The following RSPO4 variants were observed in gnomAD, a reference collection of about 807,000 sequenced individuals.
RSPO4 encodes R-spondin 4.
In RSPO4, 23 loss-of-function variants were observed where a neutral mutation model predicts 24.8. The observed-to-expected ratio is 0.93, with a 90% CI of 0.67 to 1.31. The LOEUF (loss-of-function observed/expected upper bound fraction) is 1.31. RSPO4 is among the 40% of genes most tolerant of loss of function. The pLI, the probability that RSPO4 is intolerant of heterozygous loss-of-function variation, is 0.00. For missense variants in RSPO4, 333 were observed against 316.5 expected, an observed-to-expected ratio of 1.05 and a Z score of -0.39; for synonymous variants, 141 against 127.4, an observed-to-expected ratio of 1.11 and a Z score of -0.72.
rs552548397 is a variant in RSPO4, at chr20:980,318, G to A, written c.80-12180C>T. Among the ~76,000 whole-genome samples, 162 of 152,124 alleles carry A rather than the reference G, an allele frequency of 1.1e-3. 1 individual carries two copies. The highest frequency in any genetic ancestry group is 8.5e-3 in the South Asian group (41 of 4,796). On this transcript the variant is annotated intron_variant, in intron 1 of 4. Coordinates refer to ENST00000217260, the MANE Select transcript of RSPO4 (RefSeq NM_001029871.4). ...CATGCAGAGTCCCTTACCTACTGAC[G>A]CCTTGCTAAGTTCCCAGTGCTGTGC...
At chr20:969,116 G>T (rs1326345623) in intron 1 of RSPO4, among the ~76,000 whole-genome samples, 1 of 152,194 alleles carries the variant, frequency 6.6e-6, no homozygotes, top group Non-Finnish European at 1.5e-5. Context: ...AGGAGTTTGA[G>T]ACCAGCCTGG....
intron 1 of RSPO4, among the ~76,000 whole-genome samples, chr20:990,680 G>A (rs965483697): frequency 9.2e-5 from 14 of 152,104 alleles, no homozygotes; most frequent in Non-Finnish European, 1.6e-4. Context: ...AGGGGCGAGC[G>A]GGAAGTGTAA....
chr20:968,476 G>C (rs1256830978), intron 1 of RSPO4, among the ~76,000 whole-genome samples: 1 of 152,244 alleles, frequency 6.6e-6, no homozygotes, highest in East Asian at 1.9e-4. Flanking sequence ...TGGAAACTAT[G>C]TCCCGTGAGG....
rs191521473 is a variant in RSPO4 at position 964,075 on chromosome 20, T to G, written c.455A>C (p.His152Pro). ...AGCCGAGCCGCAGGTCTTTCCATTGTGTGTGCAGGGGCTCCAGCCGCCCCA... is the reference window on the plus strand; with the variant it reads ...AGCCGAGCCGCAGGTCTTTCCATTGGGTGTGCAGGGGCTCCAGCCGCCCCA... ...GPWGGWSPCT[H>P]NGKTCGSAWG... The change falls in exon 4 of 5, where the codon CAC becomes CCC. Residue 152 changes from histidine (H) to proline (P), a missense_variant. Physicochemically the swap from His to Pro is moderately conservative, Grantham distance 77. Coordinates refer to ENST00000217260, the MANE Select transcript of RSPO4 (RefSeq NM_001029871.4). 4.2e-3 allele frequency: 6,698 copies of G among 1,613,792 alleles called. 23 individuals carry two copies. The highest frequency in any genetic ancestry group is 5.1e-3 in the Non-Finnish European group (6,022 of 1,179,996).
chr20:977,196 G>C (rs1408602548), intron 1 of RSPO4, among the ~76,000 whole-genome samples: 1 of 152,212 alleles, frequency 6.6e-6, no homozygotes. Context: ...CCTTACCCTA[G>C]AGTTGCTGAT....
intron 1 of RSPO4, among the ~76,000 whole-genome samples, chr20:971,165 A>G (rs1407373447): frequency 2.0e-5 from 3 of 152,224 alleles, no homozygotes; most frequent in East Asian, 1.9e-4. Flanking sequence ...AAATGTAACA[A>G]TTTAGCTTCT....
chr20:972,843 C>T (rs1014663920), intron 1 of RSPO4, among the ~76,000 whole-genome samples: 4 of 152,246 alleles, frequency 2.6e-5, no homozygotes, highest in African/African-American at 9.6e-5. Context: ...GGCGACCCCA[C>T]TACCAAAGAG....
At chr20:975,136 G>C (rs1040876335) in intron 1 of RSPO4, among the ~76,000 whole-genome samples, 1 of 152,130 alleles carries the variant, frequency 6.6e-6, no homozygotes. Context: ...ACTAGACAGC[G>C]AACAGATCAC....
In RSPO4 at chr20:995,786, C is replaced by T. The variant is rs149869816; in HGVS notation, c.79+6300G>A. On this transcript the variant is annotated intron_variant, in intron 1 of 4. Coordinates refer to ENST00000217260, the MANE Select transcript of RSPO4 (RefSeq NM_001029871.4). Reference sequence around the variant, plus strand: ...CAGGAGGGCCTCCATTAGGCCATGACTGAAAGGGGCTGAGCACAGAAGATG... The same window carrying T: ...CAGGAGGGCCTCCATTAGGCCATGATTGAAAGGGGCTGAGCACAGAAGATG... 2.1e-3 allele frequency among the ~76,000 whole-genome samples: 324 copies of T among 152,262 alleles called. 1 individual carries two copies. Among genetic ancestry groups the T allele is most frequent in the Non-Finnish European group, 3.4e-3 (233 of 68,016 alleles).
At chr20:985,291 A>T (rs1264304560) in intron 1 of RSPO4, among the ~76,000 whole-genome samples, 1 of 148,406 alleles carries the variant, frequency 6.7e-6, no homozygotes, top group East Asian at 2.0e-4. Context: ...TCATCTATCC[A>T]TCCATCCATC....
intron 4 of RSPO4, among the ~76,000 whole-genome samples, chr20:961,684 G>A (rs1430073436): frequency 2.0e-5 from 3 of 152,084 alleles, no homozygotes; most frequent in South Asian, 2.1e-4. Flanking sequence ...TGGCCCTGCC[G>A]GCTCTGATGT....
chr20:986,638 G>A (rs1000997026), intron 1 of RSPO4, among the ~76,000 whole-genome samples: 1 of 115,558 alleles, frequency 8.7e-6, no homozygotes, highest in African/African-American at 3.3e-5. Context: ...TTAAAAATAC[G>A]ACTGTGCATT....
intron 1 of RSPO4, 135 bp from the exon 2 acceptor site, chr20:968,273 C>T: frequency 2.7e-6 from 2 of 738,552 alleles, no homozygotes; most frequent in Non-Finnish European, 4.6e-6. Flanking sequence ...CTACATTTCC[C>T]ACCTTCCCTT....
At chr20:961,272 C>T (rs1983989200) in intron 4 of RSPO4, among the ~76,000 whole-genome samples, 2 of 152,332 alleles carry the variant, frequency 1.3e-5, no homozygotes, top group Non-Finnish European at 2.9e-5. Flanking sequence ...ACACCCAGGA[C>T]ATTCTCCTAC....
chr20:990,535 T>TCC (rs1408189841), intron 1 of RSPO4, among the ~76,000 whole-genome samples: 2 of 151,404 alleles, frequency 1.3e-5, no homozygotes, highest in African/African-American at 4.9e-5. Flanking sequence ...CTTCCTTCCT[T>TCC]TCTTTTTCTT....
At chr20:984,510 T>A (rs1375935124) in intron 1 of RSPO4, among the ~76,000 whole-genome samples, 1 of 152,150 alleles carries the variant, frequency 6.6e-6, no homozygotes, top group Non-Finnish European at 1.5e-5. Flanking sequence ...CCAGTTCTTC[T>A]CAGCCAGCAC....
rs558788576 is a variant in RSPO4 at position 981,611 on chromosome 20, T to C, written c.80-13473A>G. ...CCTTTCGCCACTCATAGGAGGGGCATTTCCCCAAGCAGCCTGAGTTGGGGA... is the reference window on the plus strand; with the variant it reads ...CCTTTCGCCACTCATAGGAGGGGCACTTCCCCAAGCAGCCTGAGTTGGGGA... On this transcript the variant is annotated intron_variant, in intron 1 of 4. Coordinates refer to ENST00000217260, the MANE Select transcript of RSPO4 (RefSeq NM_001029871.4). This position sits in a 1 kb window ranked among gnomAD's most constrained non-coding sequence, Gnocchi z 4.6. Among the ~76,000 whole-genome samples, 15 of 152,306 alleles carry C rather than the reference T, an allele frequency of 9.8e-5. No individual in the cohort carries two copies. Among genetic ancestry groups the C allele is most frequent in the Admixed American group, 9.8e-4 (15 of 15,300 alleles).
At chr20:999,450 T>A (rs1408484220) in intron 1 of RSPO4, among the ~76,000 whole-genome samples, 1 of 152,204 alleles carries the variant, frequency 6.6e-6, no homozygotes, top group African/African-American at 2.4e-5. Flanking sequence ...AGGAAGGGTT[T>A]ATCTAGCTCT....
chr20:968,373 G>T (rs1334139047), intron 1 of RSPO4, among the ~76,000 whole-genome samples: 20 of 152,250 alleles, frequency 1.3e-4, no homozygotes, highest in Non-Finnish European at 1.5e-5. Flanking sequence ...GCCTTAAAGG[G>T]CAGGGGTGTG....
Sources: gnomAD v4.1 joint callset for allele counts (sites outside exome capture counted in the v4.1 genomes callset) on GRCh38, gnomAD v4.1.1 for gene constraint, Gnocchi (gnomAD v3.1) non-coding constraint, MANE v1.5 for transcripts, NCBI Gene and HGNC (gene_info 2026-07-23, HGNC 2026-07-21) for gene names.